Variants in SLF1 observed in about 807,000 individuals in gnomAD.
The protein encoded by SLF1 is SMC5/6 complex localization factor 1.
A neutral mutation model predicts 123.0 loss-of-function variants in SLF1; 105 were observed. The observed-to-expected ratio is 0.85, with a 90% CI of 0.73 to 1.00. SLF1 has a LOEUF of 1.00. Ranked by LOEUF, SLF1 falls within the 50% of genes least tolerant of loss-of-function variation. The pLI is 0.00. For synonymous variants in SLF1, 434 were observed against 406.6 expected (o/e 1.07, Z -0.81); for missense variants, 1,239 against 1,223.0 (o/e 1.01, Z -0.20).
At chr5:94,672,203 A>G (rs535820340) in intron 14 of SLF1, among the ~76,000 whole-genome samples, 3 of 152,224 alleles carry the variant, frequency 2.0e-5, no homozygotes, top group Admixed American at 6.5e-5. Context: ...TTATGATCCT[A>G]TAACTGCTAG....
rs1402800332 is a variant in SLF1 at position 94,649,415 on chromosome 5, A to G, written c.595-39A>G. The G allele has an allele frequency of 2.2e-6, 3 of 1,393,064 alleles. No individual in the cohort carries two copies. The African/African-American group carries it at 4.3e-5, about 20-fold the overall frequency. 86.3% of individuals were successfully genotyped at this position (1,393,064 alleles called of 1,614,324 possible). A position where few individuals can be genotyped will look rare whatever the true frequency, so the allele number is the denominator to read the frequency against. ...AAAACGTACATAATATTGAAAATACACTTAGATGATTGCCTAAACCATTTT... is the reference window on the plus strand; with the variant it reads ...AAAACGTACATAATATTGAAAATACGCTTAGATGATTGCCTAAACCATTTT... On this transcript the variant is annotated intron_variant, in intron 5 of 20. Transcript: ENST00000265140.
chr5:94,679,305 T>C (rs1205318324), intron 15 of SLF1, among the ~76,000 whole-genome samples: 1 of 152,164 alleles, frequency 6.6e-6, no homozygotes, highest in African/African-American at 2.4e-5. Flanking sequence ...CAAATATAAT[T>C]ATTTTACCTG....
chr5:94,621,859 C>T (rs1030252877), intron 1 of SLF1, among the ~76,000 whole-genome samples: 1 of 150,448 alleles, frequency 6.6e-6, no homozygotes, highest in African/African-American at 2.5e-5. Flanking sequence ...TCACTGGATG[C>T]TTCTGTCAAA....
At chr5:94,657,378 G>C (rs1748529385) in intron 9 of SLF1, among the ~76,000 whole-genome samples, 1 of 151,976 alleles carries the variant, frequency 6.6e-6, no homozygotes, top group African/African-American at 2.4e-5. Context: ...CTGATTTTTA[G>C]TTTTATTCCA....
At chr5:94,688,347 T>A (rs1021410714) in intron 16 of SLF1, among the ~76,000 whole-genome samples, 159 bp from the exon 17 acceptor site, 1 of 152,174 alleles carries the variant, frequency 6.6e-6, no homozygotes, top group African/African-American at 2.4e-5. Flanking sequence ...ACAAAACTAG[T>A]TTTCTTAATA....
intron 1 of SLF1, among the ~76,000 whole-genome samples, chr5:94,621,575 A>G (rs1257285892): frequency 6.6e-6 from 1 of 152,104 alleles, no homozygotes; most frequent in African/African-American, 2.4e-5. Flanking sequence ...CTGTCCACCT[A>G]TTCTTTTTCT....
intron 14 of SLF1, among the ~76,000 whole-genome samples, chr5:94,675,779 T>C (rs1302799376): frequency 1.3e-5 from 2 of 152,158 alleles, no homozygotes; most frequent in East Asian, 1.9e-4. Flanking sequence ...GCAAGACCTC[T>C]TCTGTTTAAT....
At position 94,694,475 on chromosome 5, in the gene SLF1, A is replaced by G. The variant is rs111604217; in HGVS notation, c.2696-356A>G. On this transcript the variant is annotated intron_variant, in intron 20 of 20. Coordinates refer to ENST00000265140, the MANE Select transcript of SLF1 (RefSeq NM_032290.4). Reference sequence around the variant, plus strand: ...TTTGAGATACCCCTGAGGCTCTTGTATAGAATTTATAAGATGAATAATACA... The same window carrying G: ...TTTGAGATACCCCTGAGGCTCTTGTGTAGAATTTATAAGATGAATAATACA... Among the ~76,000 whole-genome samples, 692 of 151,984 alleles carry G rather than the reference A, an allele frequency of 4.6e-3. 5 individuals carry two copies. The highest frequency in any genetic ancestry group is 0.015 in the African/African-American group (614 of 41,520).
intron 4 of SLF1, 107 bp from the exon 5 acceptor site, chr5:94,643,166 C>T: frequency 1.2e-6 from 1 of 801,164 alleles, no homozygotes; most frequent in African/African-American, 1.8e-5. Context: ...AAATTAGTCC[C>T]TATTAGAAAA....
At chr5:94,632,800 A>T (rs533350679) in intron 4 of SLF1, among the ~76,000 whole-genome samples, 1 of 152,004 alleles carries the variant, frequency 6.6e-6, no homozygotes, top group Non-Finnish European at 1.5e-5. Flanking sequence ...TCCCGGGTTC[A>T]CGCCATTCTT....
Position 94,686,578 on chromosome 5 carries a change from T to C in SLF1, c.1981T>C (p.Ser661Pro), listed in dbSNP as rs1341570047. 3 of 1,613,708 alleles carry C rather than the reference T, an allele frequency of 1.9e-6. No homozygotes were observed. The highest frequency in any genetic ancestry group is 2.5e-6 in the Non-Finnish European group (3 of 1,179,790). Residue 661 changes from serine (S) to proline (P), a missense_variant, in exon 16 of 21, where the codon TCT becomes CCT. Transcript: ENST00000265140. The stretch of plus-strand genomic sequence containing the variant: ...ACTTACCTTATGTTCTCCAGACTTT[T>C]CTTCACAGGAATTAGAGATTTTCAT... The part of the protein sequence containing the change: ...SYVSLSCDDF[S>P]SQELEIFICS...
chr5:94,662,145 T>G (rs1190324994), intron 9 of SLF1, among the ~76,000 whole-genome samples, 153 bp from the exon 10 acceptor site: 1 of 152,218 alleles, frequency 6.6e-6, no homozygotes, highest in Non-Finnish European at 1.5e-5. Flanking sequence ...ATAATAAAAG[T>G]TGCTAGTTTG....
chr5:94,622,445 A>T (rs921624540), intron 1 of SLF1, among the ~76,000 whole-genome samples: 2 of 152,188 alleles, frequency 1.3e-5, no homozygotes, highest in Non-Finnish European at 2.9e-5. Flanking sequence ...AGTGGCATGG[A>T]AAAATGATCA....
chr5:94,645,079 T>C (rs969067677), intron 5 of SLF1, among the ~76,000 whole-genome samples: 6 of 152,190 alleles, frequency 3.9e-5, no homozygotes, highest in Admixed American at 3.3e-4. Context: ...ATAATCTCAT[T>C]GTCCTTGACA....
chr5:94,670,415 A>T, intron 13 of SLF1, 136 bp downstream of exon 13: 2 of 839,494 alleles, frequency 2.4e-6, no homozygotes, highest in South Asian at 6.5e-5. Context: ...TGTTTTTAAA[A>T]CATATTTCCA....
intron 20 of SLF1, among the ~76,000 whole-genome samples, chr5:94,693,304 T>C (rs534868829): frequency 2.1e-3 from 314 of 152,182 alleles, no homozygotes; most frequent in Admixed American, 3.5e-3. Context: ...CCTTGTTTTT[T>C]TTAGTATTCT....
At position 94,697,382 on chromosome 5, in the gene SLF1, C is replaced by A. The variant is rs184166470; in HGVS notation, c.*2070C>A. On this transcript the variant is annotated 3_prime_UTR_variant, in exon 21 of 21. Transcript: ENST00000265140. ...GCCTTGAATAATTGCCCAAATCTAT[C>A]TTGGAGGTATAGGAAGAAGAAATTC... 3.3e-4 allele frequency: 50 copies of A among 151,864 alleles called. 1 individual carries two copies. The highest frequency in any genetic ancestry group is 1.2e-3 in the African/African-American group (49 of 41,478). 9.4% of individuals were successfully genotyped at this position (151,864 alleles called of 1,614,324 possible).
intron 4 of SLF1, among the ~76,000 whole-genome samples, chr5:94,641,115 G>A (rs1746390703): frequency 6.6e-6 from 1 of 152,178 alleles, no homozygotes; most frequent in Non-Finnish European, 1.5e-5. Flanking sequence ...AAGGTGGTTA[G>A]TATGGGTGAT....
chr5:94,633,387 A>G (rs773397828), intron 4 of SLF1, among the ~76,000 whole-genome samples: 2 of 152,210 alleles, frequency 1.3e-5, no homozygotes, highest in Non-Finnish European at 2.9e-5. Flanking sequence ...TATTTTGCTG[A>G]TTCTATTTGC....
Sources: allele counts gnomAD v4.1 joint callset (sites outside exome capture counted in the v4.1 genomes callset), GRCh38; gene constraint gnomAD v4.1.1; transcripts MANE v1.5; gene names NCBI Gene and HGNC (gene_info 2026-07-23, HGNC 2026-07-21).